MAN2B2: variants seen among roughly 807,000 people sequenced by gnomAD.
The protein encoded by MAN2B2 is mannosidase alpha class 2B member 2.
In MAN2B2, 106 loss-of-function variants were observed where a neutral mutation model predicts 117.1. The observed-to-expected ratio is 0.90, with a 90% CI of 0.77 to 1.06. The LOEUF is 1.06. MAN2B2 is among the 50% of genes least tolerant of loss of function. The pLI is 0.00. For synonymous variants in MAN2B2, 544 were observed against 595.1 expected (o/e 0.91, Z 1.25); for missense variants, 1,326 against 1,381.4 (o/e 0.96, Z 0.64).
intron 7 of MAN2B2, 66 bp from the exon 8 acceptor site, chr4:6,597,047 G>C (rs1727123101): frequency 2.7e-6 from 4 of 1,485,282 alleles, no homozygotes; most frequent in Middle Eastern, 1.8e-4. Context: ...AGCTCTTCCA[G>C]GGCTGGAGCT....
At chr4:6,616,519 C>T (rs1711882216) in intron 16 of MAN2B2, among the ~76,000 whole-genome samples, 1 of 152,202 alleles carries the variant, frequency 6.6e-6, no homozygotes, top group African/African-American at 2.4e-5. Context: ...GCTGTGGCCA[C>T]CACGCCCCCC....
rs544567431 is a variant in MAN2B2 at position 6,601,366 on chromosome 4, G to A, written c.1539+610G>A. Among the ~76,000 whole-genome samples the A allele has an allele frequency of 4.6e-5, 7 of 152,276 alleles. No homozygotes were observed. In the South Asian group the frequency reaches 8.3e-4, roughly 18 times the overall value. ...CTAAAAGTACAAAAATTAGCCAGGC[G>A]TGGTAGCATGCACTGGTATAATAAT... On this transcript the variant is annotated intron_variant, in intron 10 of 18. Coordinates refer to ENST00000285599, the MANE Select transcript of MAN2B2 (RefSeq NM_015274.3).
At chr4:6,615,488 T>C (rs1006618693) in intron 16 of MAN2B2, among the ~76,000 whole-genome samples, 8 of 151,942 alleles carry the variant, frequency 5.3e-5, no homozygotes, top group Non-Finnish European at 1.0e-4. Context: ...AGCTACCCCA[T>C]AGCCCCATGA....
At chr4:6,582,076 A>G (rs1031147229) in intron 3 of MAN2B2, among the ~76,000 whole-genome samples, 4 of 151,794 alleles carry the variant, frequency 2.6e-5, no homozygotes, top group Non-Finnish European at 5.9e-5. Flanking sequence ...CCTCACCCCT[A>G]TCCTGAGGGG....
intron 11 of MAN2B2, 60 bp from the exon 12 acceptor site, chr4:6,609,047 C>T (rs539137107): frequency 8.7e-6 from 13 of 1,493,090 alleles, no homozygotes; most frequent in Admixed American, 1.9e-5. Flanking sequence ...GCTTGCCAGC[C>T]GGTGTCTGTA....
intron 1 of MAN2B2, among the ~76,000 whole-genome samples, chr4:6,575,986 G>A (rs1190587404): frequency 2.0e-5 from 3 of 152,152 alleles, no homozygotes; most frequent in East Asian, 1.9e-4. Context: ...CTCCCTGCTC[G>A]GTGCTCCTTC....
Position 6,619,973 on chromosome 4 carries a change from C to A in MAN2B2, c.2861C>A (p.Ser954Ter). ...LGSVVAVEER[S>*]LTGTWDLSML... ...TCCGTGGTGGCAGTGGAGGAGCGCT[C>A]GCTCACAGGGACCTGGGATTTGAGC... is the stretch of plus-strand genomic sequence containing the variant. Residue 954 changes from serine to a stop codon, truncating the protein, a stop_gained, in exon 18 of 19, where the codon TCG becomes TAG. Transcript: ENST00000285599. LOFTEE classifies it high-confidence loss of function. 1.2e-6 allele frequency: 2 copies of A among 1,613,902 alleles called. No homozygotes were observed. Among genetic ancestry groups the A allele is most frequent in the South Asian group, 2.2e-5 (2 of 91,070 alleles).
At chr4:6,610,187 C>G in intron 13 of MAN2B2, 137 bp downstream of exon 13, 3 of 1,261,714 alleles carry the variant, frequency 2.4e-6, no homozygotes, top group Non-Finnish European at 3.2e-6. Flanking sequence ...GATGGAGTCT[C>G]ACTCTGTCAC....
chr4:6,610,104 C>T, intron 13 of MAN2B2, 54 bp downstream of exon 13: 1 of 1,598,298 alleles, frequency 6.3e-7, no homozygotes, highest in Non-Finnish European at 8.5e-7. Context: ...TTCCTGGACC[C>T]ATTAAGCATC....
chr4:6,577,621 G>A (rs1726115842), intron 2 of MAN2B2, among the ~76,000 whole-genome samples: 1 of 152,262 alleles, frequency 6.6e-6, no homozygotes, highest in South Asian at 2.1e-4. Flanking sequence ...CACACAGCTT[G>A]TAAGCGGCAG....
Position 6,576,698 on chromosome 4 carries a change from G to A in MAN2B2, c.259G>A (p.Val87Ile), listed in dbSNP as rs529066807. 3.8e-5 allele frequency: 61 copies of A among 1,613,944 alleles called. No homozygotes were observed. The highest frequency in any genetic ancestry group is 4.2e-5 in the Non-Finnish European group (49 of 1,179,978). The change falls in exon 2 of 19, where the codon GTC becomes ATC. Residue 87 changes from valine to isoleucine, a missense_variant. Physicochemically the swap from Val to Ile is conservative, Grantham distance 29. Transcript: ENST00000285599. Reference sequence around the variant, plus strand: ...GTTTTTCCGGCTGTGGTGGGATGGCGTCGCCTCGGACCAGCAGAAATACCA... The same window carrying A: ...GTTTTTCCGGCTGTGGTGGGATGGCATCGCCTCGGACCAGCAGAAATACCA... ...QEFFRLWWDG[V>I]ASDQQKYQVR...
chr4:6,602,367 C>G (rs2108749044), intron 10 of MAN2B2, among the ~76,000 whole-genome samples: 1 of 152,334 alleles, frequency 6.6e-6, no homozygotes, highest in Middle Eastern at 3.4e-3. Context: ...TGGTGAGGGC[C>G]TCTTCCTGCT....
At chr4:6,584,143 A>C (rs757188315) in intron 3 of MAN2B2, among the ~76,000 whole-genome samples, 27 of 152,220 alleles carry the variant, frequency 1.8e-4, no homozygotes, top group Non-Finnish European at 3.4e-4. Context: ...TTGCCAAACC[A>C]TCACCCAACA....
Position 6,575,227 on chromosome 4 carries a change from G to T in MAN2B2, c.17G>T (p.Trp6Leu). The T allele has an allele frequency of 6.6e-7, 1 of 1,522,994 alleles. No homozygotes were observed. The highest frequency in any genetic ancestry group is 8.8e-7 in the Non-Finnish European group (1 of 1,134,322). The allele number at this position is 1,522,994 out of a possible 1,614,324, so 94.3% of individuals were successfully genotyped here. Residue 6 changes from tryptophan to leucine, a missense_variant, in exon 1 of 19, where the codon TGG (tryptophan) becomes TTG (leucine). By Grantham distance (61) the Trp-to-Leu change is moderately conservative. Transcript: ENST00000285599. Reference protein sequence around the residue: MGQLCWLPLLAPLLLL... With the variant: MGQLCLLPLLAPLLLL... ...GCCGCAGGGATGGGGCAGCTGTGCT[G>T]GCTGCCGCTGCTGGCACCGCTCCTG...
At chr4:6,586,252 G>A (rs1260696507) in intron 3 of MAN2B2, among the ~76,000 whole-genome samples, 1 of 151,882 alleles carries the variant, frequency 6.6e-6, no homozygotes, top group Non-Finnish European at 1.5e-5. Flanking sequence ...GTAGAGATGG[G>A]GTCTCACTAT....
Position 6,621,302 on chromosome 4 carries a change from C to A in MAN2B2, c.*17C>A. 3 of 1,602,816 alleles carry A rather than the reference C, an allele frequency of 1.9e-6. No individual in the cohort carries two copies. The highest frequency in any genetic ancestry group is 2.6e-6 in the Non-Finnish European group (3 of 1,170,120). On this transcript the variant is annotated 3_prime_UTR_variant, in exon 19 of 19. Coordinates refer to ENST00000285599, the MANE Select transcript of MAN2B2 (RefSeq NM_015274.3). ...CAGCAGTGAGCCCTGGGCAGATGCCCCGGCCCCAGGGCTTCCCCCAGGAAC... is the reference window on the plus strand; with the variant it reads ...CAGCAGTGAGCCCTGGGCAGATGCCACGGCCCCAGGGCTTCCCCCAGGAAC...
chr4:6,601,149 T>G (rs538647870), intron 10 of MAN2B2, among the ~76,000 whole-genome samples: 1 of 152,130 alleles, frequency 6.6e-6, no homozygotes, highest in South Asian at 2.1e-4. Context: ...GTTTGATAAT[T>G]CATTAGAACA....
At position 6,619,872 on chromosome 4, in the gene MAN2B2, T is replaced by C. The variant is rs535184787; in HGVS notation, c.2815-55T>C. On this transcript the variant is annotated intron_variant, in intron 17 of 18. Coordinates refer to ENST00000285599, the MANE Select transcript of MAN2B2 (RefSeq NM_015274.3). The stretch of plus-strand genomic sequence containing the variant: ...CTGCCCTGCTGCTGTCTTGGTTCTC[T>C]GCTCAGCTCTGGAACTTGGTGCAGC... 18 of 1,525,680 alleles carry C rather than the reference T, an allele frequency of 1.2e-5. No individual in the cohort carries two copies. The African/African-American group carries it at 2.0e-4, about 17-fold the overall frequency. The allele number at this position is 1,525,680 out of a possible 1,614,324, so 94.5% of individuals were successfully genotyped here.
Position 6,621,323 on chromosome 4 carries a change from G to A in MAN2B2, c.*38G>A, listed in dbSNP as rs1712163394. 3.9e-6 allele frequency: 6 copies of A among 1,552,896 alleles called. No individual in the cohort carries two copies. The highest frequency in any genetic ancestry group is 5.3e-6 in the Non-Finnish European group (6 of 1,126,898). On this transcript the variant is annotated 3_prime_UTR_variant, in exon 19 of 19. Transcript: ENST00000285599. ...TGCCCCGGCCCCAGGGCTTCCCCCA[G>A]GAACTCCATGTAACAGAACAGACCC...
Sources: allele counts gnomAD v4.1 joint callset (sites outside exome capture counted in the v4.1 genomes callset), GRCh38; gene constraint gnomAD v4.1.1; transcripts MANE v1.5; gene names NCBI Gene and HGNC (gene_info 2026-07-23, HGNC 2026-07-21).